SPAG17: variants seen among roughly 807,000 people sequenced by gnomAD.
The protein encoded by SPAG17 is sperm-associated antigen 17.
SPAG17 carries 169 observed loss-of-function variants against 273.6 expected under a neutral mutation model. The ratio of observed to expected loss-of-function variants is 0.62; its 90% CI spans 0.55 to 0.70. The LOEUF is 0.70. Ranked by LOEUF, SPAG17 falls within the 30% of genes least tolerant of loss-of-function variation. SPAG17 has a pLI of 0.00. For synonymous variants in SPAG17, 825 were observed against 873.2 expected, an observed-to-expected ratio of 0.94 and a Z score of 0.97; for missense variants, 2,557 against 2,627.8, an observed-to-expected ratio of 0.97 and a Z score of 0.59.
chr1:117,982,399 G>A (rs1488759609), intron 42 of SPAG17, among the ~76,000 whole-genome samples: 12 of 151,850 alleles, frequency 7.9e-5, no homozygotes, highest in Admixed American at 6.6e-4. Flanking sequence ...CCGCCACCAC[G>A]CCTGGCTAAT....
At chr1:118,134,579 C>T (rs535768224) in intron 3 of SPAG17, among the ~76,000 whole-genome samples, 27 of 152,262 alleles carry the variant, frequency 1.8e-4, no homozygotes, top group African/African-American at 6.3e-4. Flanking sequence ...GAATTATTCC[C>T]GTACTGTGGT....
At chr1:118,009,073 A>T (rs1250627322) in intron 30 of SPAG17, among the ~76,000 whole-genome samples, 2 of 152,130 alleles carry the variant, frequency 1.3e-5, no homozygotes, top group African/African-American at 2.4e-5. Flanking sequence ...ATAATATGAT[A>T]TGCATGATTT....
chr1:118,076,741 TTC>T (rs1326409822), intron 15 of SPAG17, among the ~76,000 whole-genome samples: 2 of 152,152 alleles, frequency 1.3e-5, no homozygotes, highest in Non-Finnish European at 2.9e-5. Flanking sequence ...TCATTTTTTT[TTC>T]TTTTTCTGAT....
chr1:118,085,812 A>C, intron 13 of SPAG17, 110 bp downstream of exon 13: 1 of 1,087,776 alleles, frequency 9.2e-7, no homozygotes, highest in East Asian at 2.6e-5. Context: ...TAGCCTCTGA[A>C]AGGTCTTTCA....
intron 20 of SPAG17, among the ~76,000 whole-genome samples, chr1:118,043,777 G>T (rs1290710496): frequency 1.3e-5 from 2 of 152,226 alleles, no homozygotes; most frequent in Admixed American, 1.3e-4. Context: ...TACTAGCACA[G>T]AAAGTTGAGG....
intron 1 of SPAG17, among the ~76,000 whole-genome samples, chr1:118,162,380 AAAT>A (rs1430610166): frequency 2.0e-5 from 3 of 152,158 alleles, no homozygotes; most frequent in African/African-American, 7.2e-5. Context: ...GACCTTAGCA[AAAT>A]AATAATAATA....
In SPAG17 at chr1:118,081,250, CT is replaced by C; in HGVS notation, c.2059del (p.Ser687AlafsTer16). On this transcript the variant is annotated frameshift_variant, in exon 15 of 49. Coordinates refer to ENST00000336338, the MANE Select transcript of SPAG17 (RefSeq NM_206996.4). LOFTEE classifies it high-confidence loss of function. ...NLSMSVQDNE[S>X]NREPSDPSQC... ...ACTAGGATCTGAAGGTTCTCGGTTGCTTTCATTATCTTGCACAGACATTGAC... is the reference window on the plus strand; with the variant it reads ...ACTAGGATCTGAAGGTTCTCGGTTGCTTCATTATCTTGCACAGACATTGAC... 6.2e-7 allele frequency: 1 copy of C among 1,614,070 alleles called. No homozygotes were observed. Among genetic ancestry groups the C allele is most frequent in the Non-Finnish European group, 8.5e-7 (1 of 1,180,006 alleles).
At chr1:118,051,347 T>C (rs1179611938) in intron 20 of SPAG17, among the ~76,000 whole-genome samples, 19 of 152,036 alleles carry the variant, frequency 1.2e-4, no homozygotes, top group Non-Finnish European at 2.8e-4. Context: ...TTCTCAAAAA[T>C]TAGAATTAGA....
chr1:117,976,706 AACT>A (rs986095711), intron 43 of SPAG17, among the ~76,000 whole-genome samples: 18 of 152,018 alleles, frequency 1.2e-4, no homozygotes, highest in Admixed American at 5.9e-4. Flanking sequence ...AATGGTTAAC[AACT>A]ACCTTTCCCA....
intron 1 of SPAG17, among the ~76,000 whole-genome samples, chr1:118,158,336 T>C (rs1394436094): frequency 6.6e-6 from 1 of 152,170 alleles, no homozygotes; most frequent in Non-Finnish European, 1.5e-5. Context: ...GTTTTAGATT[T>C]TGTGCACTGG....
rs370528649 is a variant in SPAG17, at chr1:118,036,804, C to T, written c.3399G>A (p.Ser1133=). 8.3e-5 allele frequency: 130 copies of T among 1,558,152 alleles called. No individual in the cohort carries two copies. Among genetic ancestry groups the T allele is most frequent in the African/African-American group, 5.6e-4 (41 of 73,440 alleles). ...SATLENGICL[S]ISYYGSNGMA... is the part of the protein sequence containing the mutation. ...TTCCATTTGATCCATAGTAACTTATCGAGAGGCAGATTCCATTTTCTAAGG... is the reference window on the plus strand; with the variant it reads ...TTCCATTTGATCCATAGTAACTTATTGAGAGGCAGATTCCATTTTCTAAGG... Residue 1133 remains serine, a synonymous_variant, in exon 24 of 49, where the codon TCG becomes TCA. Coordinates refer to ENST00000336338, the MANE Select transcript of SPAG17 (RefSeq NM_206996.4).
At chr1:118,084,112 G>A (rs1041500423) in intron 13 of SPAG17, among the ~76,000 whole-genome samples, 1 of 152,022 alleles carries the variant, frequency 6.6e-6, no homozygotes, top group African/African-American at 2.4e-5. Flanking sequence ...GAAGTGGAGG[G>A]TGGCAGGACA....
intron 40 of SPAG17, among the ~76,000 whole-genome samples, chr1:117,986,526 C>A (rs983206964): frequency 1.3e-5 from 2 of 152,040 alleles, no homozygotes; most frequent in African/African-American, 4.8e-5. Context: ...CCATTATATA[C>A]CTATAAGTTA....
At chr1:118,177,319 A>T (rs534956053) in intron 1 of SPAG17, among the ~76,000 whole-genome samples, 2 of 152,300 alleles carry the variant, frequency 1.3e-5, no homozygotes, top group Admixed American at 1.3e-4. Flanking sequence ...GAGCCAGTTC[A>T]GGGGAACAGC....
At chr1:118,158,363 T>A (rs1570799913) in intron 1 of SPAG17, among the ~76,000 whole-genome samples, 1 of 152,302 alleles carries the variant, frequency 6.6e-6, no homozygotes, top group East Asian at 1.9e-4. Flanking sequence ...ATGAAGATGA[T>A]CACCTCTGAG....
chr1:118,073,895 A>C lies in SPAG17; in HGVS notation c.2344T>G (p.Trp782Gly), dbSNP rs1436729071. 1 of 1,578,196 alleles carries C rather than the reference A, an allele frequency of 6.3e-7. No individual in the cohort carries two copies. The highest frequency in any genetic ancestry group is 2.3e-5 in the East Asian group (1 of 42,996). Residue 782 changes from tryptophan to glycine, a missense_variant, in exon 17 of 49, where the codon TGG (tryptophan) becomes GGG (glycine). Transcript: ENST00000336338. ...KKTQQRSLMD[W>G]SFTEHFKPKV... The stretch of plus-strand genomic sequence containing the variant: ...GGTTTAAAATGTTCAGTAAAACTCC[A>C]GTCCATTAGACTGCGCTGCTGTGTT...
chr1:118,052,677 C>T (rs1203538519), intron 20 of SPAG17, among the ~76,000 whole-genome samples: 1 of 151,778 alleles, frequency 6.6e-6, no homozygotes. Flanking sequence ...ACCATTTTTT[C>T]TCAGTTAAAA....
chr1:118,155,862 AG>A (rs1002960342), intron 1 of SPAG17, among the ~76,000 whole-genome samples: 10 of 152,234 alleles, frequency 6.6e-5, no homozygotes, highest in Non-Finnish European at 1.3e-4. Context: ...CTTCAAAAAA[AG>A]TCTTGGATCT....
chr1:118,092,045 C>A, intron 8 of SPAG17, 43 bp from the exon 9 acceptor site: 1 of 1,529,928 alleles, frequency 6.5e-7, no homozygotes, highest in African/African-American at 1.4e-5. Flanking sequence ...AGATACCCAG[C>A]TGAGAGATGC....
Sources: allele counts gnomAD v4.1 joint callset (sites outside exome capture counted in the v4.1 genomes callset), GRCh38; gene constraint gnomAD v4.1.1; transcripts MANE v1.5; gene names NCBI Gene and HGNC (gene_info 2026-07-23, HGNC 2026-07-21).